The following CCDC102B variants were observed in gnomAD, a reference collection of about 807,000 sequenced individuals.
The protein encoded by CCDC102B is coiled-coil domain-containing protein 102B.
In CCDC102B, 75 loss-of-function variants were observed where a neutral mutation model predicts 57.4. That is an observed-to-expected ratio of 1.31 (90% CI 1.08 to 1.58). The LOEUF (loss-of-function observed/expected upper bound fraction) is 1.58, where lower values mean the gene tolerates loss of function less well. Among genes scored for constraint, CCDC102B ranks in the 40% most tolerant of loss-of-function variants. The pLI is 0.00. For missense variants in CCDC102B, 636 were observed against 582.6 expected (o/e 1.09, Z -0.94); for synonymous variants, 206 against 201.9 (o/e 1.02, Z -0.17).
intron 1 of CCDC102B, among the ~76,000 whole-genome samples, chr18:68,823,098 G>A (rs1377069895): frequency 6.6e-6 from 1 of 152,156 alleles, no homozygotes; most frequent in African/African-American, 2.4e-5. Flanking sequence ...GCCTCTGATT[G>A]GTTGTGGGCC....
intron 2 of CCDC102B, among the ~76,000 whole-genome samples, chr18:68,757,889 A>ACG: frequency 6.6e-6 from 1 of 152,226 alleles, no homozygotes; most frequent in South Asian, 2.1e-4. Flanking sequence ...GGAAGCTCCA[A>ACG]CTGGGAATTT....
At chr18:69,022,486 C>A (rs540894617) in intron 7 of CCDC102B, among the ~76,000 whole-genome samples, 1 of 151,792 alleles carries the variant, frequency 6.6e-6, no homozygotes, top group South Asian at 2.1e-4. Flanking sequence ...CTACATAGAC[C>A]TCATTATATT....
At chr18:68,924,720 A>T (rs1940865467) in intron 6 of CCDC102B, among the ~76,000 whole-genome samples, 1 of 151,996 alleles carries the variant, frequency 6.6e-6, no homozygotes, top group African/African-American at 2.4e-5. Flanking sequence ...TTGTTCCCTG[A>T]CATGGACTCC....
At chr18:68,874,206 G>GTA (rs771749250) in intron 4 of CCDC102B, among the ~76,000 whole-genome samples, 38 of 78,224 alleles carry the variant, frequency 4.9e-4, no homozygotes, top group African/African-American at 1.4e-3. Context: ...GTGTGTGTGT[G>GTA]TGTGTGTATA....
At chr18:68,956,348 ATT>A (rs750400887) in intron 6 of CCDC102B, among the ~76,000 whole-genome samples, 32 of 2,840 alleles carry the variant, frequency 0.011, no homozygotes, top group African/African-American at 0.015. Flanking sequence ...TAATATATAT[ATT>A]AATATATATA....
intron 3 of CCDC102B, 84 bp from the exon 4 acceptor site, chr18:68,846,229 A>G (rs1040627920): frequency 1.2e-5 from 9 of 761,132 alleles, no homozygotes; most frequent in Non-Finnish European, 1.5e-5. Flanking sequence ...AAAATTAGGA[A>G]AATGCCTATA....
At chr18:68,934,991 G>A (rs1375742751) in intron 6 of CCDC102B, among the ~76,000 whole-genome samples, 2 of 151,920 alleles carry the variant, frequency 1.3e-5, no homozygotes, top group African/African-American at 2.4e-5. Context: ...TGAGTCCTAT[G>A]GAGAAACAGA....
intron 4 of CCDC102B, among the ~76,000 whole-genome samples, chr18:68,857,264 T>A (rs2038481044): frequency 4.0e-5 from 1 of 24,982 alleles, no homozygotes; most frequent in Non-Finnish European, 1.3e-4. Context: ...TTTAAATATA[T>A]AAATATATAT....
At chr18:68,872,455 TTTA>T (rs550522766) in intron 4 of CCDC102B, among the ~76,000 whole-genome samples, 6 of 152,212 alleles carry the variant, frequency 3.9e-5, no homozygotes, top group Non-Finnish European at 5.9e-5. Flanking sequence ...AGGATTATAT[TTTA>T]TTATTTAAAT....
Position 68,911,609 on chromosome 18 carries a change from G to A in CCDC102B, c.1263+14181G>A, listed in dbSNP as rs1018048965. 9.4e-4 allele frequency among the ~76,000 whole-genome samples: 140 copies of A among 149,272 alleles called. 1 individual carries two copies. Among genetic ancestry groups the A allele is most frequent in the African/African-American group, 3.1e-3 (123 of 39,998 alleles). On this transcript the variant is annotated intron_variant, in intron 6 of 7. Transcript: ENST00000360242. ...CTACTAAAAATACAAAAAATTAGCC[G>A]GGCGTGGTGGCGGGCGCCTGTAGTC...
intron 6 of CCDC102B, among the ~76,000 whole-genome samples, chr18:68,936,777 A>G (rs574288999): frequency 4.6e-5 from 7 of 150,732 alleles, no homozygotes; most frequent in African/African-American, 1.7e-4. Context: ...ACATACATAC[A>G]TACATATATA....
At chr18:68,771,056 T>C (rs2034623175) in intron 2 of CCDC102B, among the ~76,000 whole-genome samples, 2 of 152,226 alleles carry the variant, frequency 1.3e-5, no homozygotes, top group African/African-American at 4.8e-5. Context: ...TAAGGAGACC[T>C]TTCAACTGAG....
intron 4 of CCDC102B, among the ~76,000 whole-genome samples, chr18:68,856,796 ATGAT>A (rs1257279999): frequency 2.0e-5 from 3 of 151,604 alleles, no homozygotes; most frequent in Non-Finnish European, 2.9e-5. Flanking sequence ...AATCACAATA[ATGAT>A]TTATTTATTT....
At chr18:68,779,832 A>C (rs762643669) in intron 2 of CCDC102B, among the ~76,000 whole-genome samples, 11 of 152,094 alleles carry the variant, frequency 7.2e-5, no homozygotes, top group Non-Finnish European at 1.3e-4. Context: ...TTTTAAAAAG[A>C]AAACAATTGT....
intron 7 of CCDC102B, among the ~76,000 whole-genome samples, chr18:69,022,364 TAC>T (rs386388071): frequency 6.6e-6 from 1 of 150,926 alleles, no homozygotes; most frequent in Non-Finnish European, 1.5e-5. Flanking sequence ...AATATATATA[TAC>T]ACACACACAA....
intron 7 of CCDC102B, among the ~76,000 whole-genome samples, chr18:69,033,771 A>C (rs1447341928): frequency 6.6e-6 from 1 of 151,984 alleles, no homozygotes; most frequent in Non-Finnish European, 1.5e-5. Flanking sequence ...GGAACTGTCA[A>C]ACTATTTTTC....
chr18:68,818,782 A>G (rs772906718), intron 1 of CCDC102B, among the ~76,000 whole-genome samples: 3 of 152,152 alleles, frequency 2.0e-5, no homozygotes, highest in African/African-American at 7.2e-5. Context: ...GATACATTCA[A>G]TTTTGAGCAA....
intron 6 of CCDC102B, among the ~76,000 whole-genome samples, chr18:68,996,293 C>A (rs1185982125): frequency 6.6e-6 from 1 of 152,126 alleles, no homozygotes; most frequent in East Asian, 1.9e-4. Context: ...ATGCTTCCTG[C>A]CCTAAAAATC....
At chr18:68,733,226 G>A (rs1198730662) in intron 2 of CCDC102B, among the ~76,000 whole-genome samples, 1 of 151,956 alleles carries the variant, frequency 6.6e-6, no homozygotes, top group East Asian at 1.9e-4. Flanking sequence ...TCTCTTTGTC[G>A]TGGAGAATAA....
Sources: allele counts gnomAD v4.1 joint callset (sites outside exome capture counted in the v4.1 genomes callset), GRCh38; gene constraint gnomAD v4.1.1; transcripts MANE v1.5; gene names NCBI Gene and HGNC (gene_info 2026-07-23, HGNC 2026-07-21).